BCL2A1: variants seen among roughly 807,000 people sequenced by gnomAD.
BCL2A1 encodes the protein bcl-2-related protein A1.
A neutral mutation model predicts 14.4 loss-of-function variants in BCL2A1; 10 were observed. That is an observed-to-expected ratio of 0.69 (90% CI 0.43 to 1.18). The LOEUF (loss-of-function observed/expected upper bound fraction) is 1.18, where lower values mean the gene tolerates loss of function less well. BCL2A1 is among the 50% of genes most tolerant of loss of function. The probability of loss-of-function intolerance (pLI) is 0.00; values close to 1 mark genes in which losing one functional copy is unlikely to be tolerated. For synonymous variants in BCL2A1, 71 were observed against 76.5 expected (o/e 0.93, Z 0.38); for missense variants, 158 against 205.0 (o/e 0.77, Z 1.40).
intron 1 of BCL2A1, among the ~76,000 whole-genome samples, chr15:79,969,003 G>A (rs1431315647): frequency 6.6e-6 from 1 of 151,702 alleles, no homozygotes; most frequent in Non-Finnish European, 1.5e-5. Flanking sequence ...AAATCAATAA[G>A]AAAAAGACAA....
chr15:79,961,504 A>G (rs1466399074), intron 1 of BCL2A1, among the ~76,000 whole-genome samples: 2 of 152,368 alleles, frequency 1.3e-5, no homozygotes, highest in Admixed American at 1.3e-4. Context: ...ATGAGTATTT[A>G]GTACTTAACA....
chr15:79,967,536 A>G, intron 1 of BCL2A1: 1 of 1,326,674 alleles, frequency 7.5e-7, no homozygotes, highest in Non-Finnish European at 1.0e-6. Context: ...TGTTGATTCA[A>G]AGTTTTCATA....
intron 1 of BCL2A1, 71 bp downstream of exon 1, chr15:79,970,629 T>G: frequency 6.9e-7 from 1 of 1,451,996 alleles, no homozygotes; most frequent in Non-Finnish European, 9.3e-7. Context: ...GTTGTTGTTT[T>G]AACTAGCAAG....
Position 79,971,033 on chromosome 15 carries a change from A to G in BCL2A1, c.87T>C (p.Gly29=). 1 of 1,614,016 alleles carries G rather than the reference A, an allele frequency of 6.2e-7. No homozygotes were observed. Among genetic ancestry groups the G allele is most frequent in the Non-Finnish European group, 8.5e-7 (1 of 1,180,020 alleles). ...GTAGCACTCTGGACGTTTTGCTTGG[A>G]CCTGATCCAGGTTGTGGTATCTGTA... ...CVLQIPQPGS[G]PSKTSRVLQN... The change falls in exon 1 of 2, where the codon GGT becomes GGC. Residue 29 remains glycine, a synonymous_variant. Transcript: ENST00000267953.
rs534978752 is a variant in BCL2A1, at chr15:79,963,043, G to A, written c.421-1869C>T. Among the ~76,000 whole-genome samples, 11 of 152,102 alleles carry A rather than the reference G, an allele frequency of 7.2e-5. No individual in the cohort carries two copies. The East Asian group carries it at 1.2e-3, about 16-fold the overall frequency. On this transcript the variant is annotated intron_variant, in intron 1 of 1. Coordinates refer to ENST00000267953, the MANE Select transcript of BCL2A1 (RefSeq NM_004049.4). ...GCCACCCAGGCTGGAGTGCAATGGC[G>A]CGATCTCAGCTGGCCGCAACCTCTG...
At chr15:79,962,835 C>T (rs759560136) in intron 1 of BCL2A1, among the ~76,000 whole-genome samples, 6 of 151,828 alleles carry the variant, frequency 4.0e-5, no homozygotes, top group East Asian at 1.9e-4. Flanking sequence ...TGTGAGCCAC[C>T]GCACCCAGCA....
intron 1 of BCL2A1, among the ~76,000 whole-genome samples, chr15:79,967,919 GGT>G (rs1034157654): frequency 6.6e-6 from 1 of 151,620 alleles, no homozygotes; most frequent in Non-Finnish European, 1.5e-5. Context: ...GAACTATTCA[GGT>G]GTTTTTTTTA....
intron 1 of BCL2A1, among the ~76,000 whole-genome samples, chr15:79,966,795 AAAG>A (rs974523003): frequency 8.2e-5 from 12 of 146,616 alleles, no homozygotes; most frequent in African/African-American, 3.0e-4. Context: ...GCCACAAACA[AAAG>A]AAGGCAGGAA....
intron 1 of BCL2A1, among the ~76,000 whole-genome samples, chr15:79,964,128 T>C (rs1290151967): frequency 6.6e-6 from 1 of 152,190 alleles, no homozygotes; most frequent in Non-Finnish European, 1.5e-5. Context: ...AAAATAAATA[T>C]ACAAACAAGG....
Position 79,961,003 on chromosome 15 carries a change from G to T in BCL2A1, c.*64C>A. ...TATTTAAAAGTAGAAGTATGTGTTG[G>T]CAATCGTTTCCATATCAGTCAGAAA... On this transcript the variant is annotated 3_prime_UTR_variant, in exon 2 of 2. Transcript: ENST00000267953. 6.3e-7 allele frequency: 1 copy of T among 1,599,716 alleles called. No individual in the cohort carries two copies.
chr15:79,962,246 G>A (rs558505349), intron 1 of BCL2A1, among the ~76,000 whole-genome samples: 119 of 152,252 alleles, frequency 7.8e-4, no homozygotes, highest in South Asian at 2.5e-3. Flanking sequence ...CGGTGCCTTG[G>A]AATCATTTTA....
chr15:79,961,270 T>A, intron 1 of BCL2A1, 96 bp from the exon 2 acceptor site: 1 of 1,187,484 alleles, frequency 8.4e-7, no homozygotes, highest in Non-Finnish European at 1.2e-6. Context: ...GTGCAAATAG[T>A]TAATCTTCTA....
intron 1 of BCL2A1, among the ~76,000 whole-genome samples, chr15:79,964,844 C>T (rs1311098603): frequency 6.6e-6 from 1 of 152,152 alleles, no homozygotes; most frequent in Non-Finnish European, 1.5e-5. Flanking sequence ...GAGGCCTGAG[C>T]AAAGGGAAGA....
At chr15:79,967,903 C>T (rs1234880647) in intron 1 of BCL2A1, among the ~76,000 whole-genome samples, 1 of 151,320 alleles carries the variant, frequency 6.6e-6, no homozygotes, top group Admixed American at 6.6e-5. Flanking sequence ...TTCATGTCTA[C>T]AACTTGAACT....
intron 1 of BCL2A1, among the ~76,000 whole-genome samples, chr15:79,965,297 T>C (rs2035530560): frequency 1.3e-5 from 2 of 152,010 alleles, no homozygotes; most frequent in Admixed American, 6.5e-5. Context: ...CCAGCTAATT[T>C]TTTGTATTTT....
chr15:79,965,166 T>C lies in BCL2A1; in HGVS notation c.421-3992A>G, dbSNP rs1013196760. Among the ~76,000 whole-genome samples the C allele has an allele frequency of 2.6e-5, 4 of 152,114 alleles. No homozygotes were observed. The East Asian group carries it at 7.7e-4, about 29-fold the overall frequency. On this transcript the variant is annotated intron_variant, in intron 1 of 1. Coordinates refer to ENST00000267953, the MANE Select transcript of BCL2A1 (RefSeq NM_004049.4). Reference sequence around the variant, plus strand: ...TTTTTGAGACAGAGTCTCACTCTGTTACCCAGGCTGGAGTGCAGTGGCACG... The same window carrying C: ...TTTTTGAGACAGAGTCTCACTCTGTCACCCAGGCTGGAGTGCAGTGGCACG...
intron 1 of BCL2A1, among the ~76,000 whole-genome samples, chr15:79,965,422 C>T (rs1340159152): frequency 2.0e-5 from 3 of 152,142 alleles, no homozygotes; most frequent in African/African-American, 4.8e-5. Flanking sequence ...CCAATGCGCC[C>T]GGCCCCTCAA....
rs149490705 is a variant in BCL2A1, at chr15:79,964,958, G to A, written c.421-3784C>T. On this transcript the variant is annotated intron_variant, in intron 1 of 1. Transcript: ENST00000267953. ...GTGCTTAGCTTATCCAAGGAGGCTG[G>A]AGCTATGAGAGCACGGAGGGATTCA... is the stretch of plus-strand genomic sequence containing the variant. Among the ~76,000 whole-genome samples the A allele has an allele frequency of 2.0e-5, 3 of 152,240 alleles. No individual in the cohort carries two copies. In the East Asian group the frequency reaches 5.8e-4, roughly 29 times the overall value.
At position 79,965,117 on chromosome 15, in the gene BCL2A1, T is replaced by C. The variant is rs2035527551; in HGVS notation, c.421-3943A>G. Among the ~76,000 whole-genome samples the C allele has an allele frequency of 2.0e-5, 3 of 152,238 alleles. No homozygotes were observed. In the East Asian group the frequency reaches 5.8e-4, roughly 29 times the overall value. Reference sequence around the variant, plus strand: ...ATGATTAGGCCAAGACATGATCTAATTCAAGTTTTTATTTTATTTTATTTT... The same window carrying C: ...ATGATTAGGCCAAGACATGATCTAACTCAAGTTTTTATTTTATTTTATTTT... On this transcript the variant is annotated intron_variant, in intron 1 of 1. Coordinates refer to ENST00000267953, the MANE Select transcript of BCL2A1 (RefSeq NM_004049.4).
Sources: allele counts gnomAD v4.1 joint callset (sites outside exome capture counted in the v4.1 genomes callset), GRCh38; gene constraint gnomAD v4.1.1; transcripts MANE v1.5; gene names NCBI Gene and HGNC (gene_info 2026-07-23, HGNC 2026-07-21).